The following SP3 variants were observed in gnomAD, a reference collection of about 807,000 sequenced individuals.
The protein encoded by SP3 is transcription factor Sp3.
In SP3, 10 loss-of-function variants were observed where a neutral mutation model predicts 70.3. The ratio of observed to expected loss-of-function variants is 0.14; its 90% CI spans 0.09 to 0.24. The LOEUF (loss-of-function observed/expected upper bound fraction) is 0.24, where lower values mean the gene tolerates loss of function less well. SP3 is among the 10% of genes least tolerant of loss of function. SP3 has a pLI of 1.00. For synonymous variants in SP3, 402 were observed against 333.5 expected (o/e 1.21, Z -2.24); for missense variants, 825 against 914.6 (o/e 0.90, Z 1.26).
chr2:173,960,236 A>G, intron 3 of SP3, among the ~76,000 whole-genome samples: 1 of 152,252 alleles, frequency 6.6e-6, no homozygotes, highest in East Asian at 1.9e-4. Context: ...TAACTAAGGC[A>G]CTCTAAGTCT....
At chr2:173,964,787 C>T (rs1319232792) in intron 1 of SP3, 3 of 454,590 alleles carry the variant, frequency 6.6e-6, no homozygotes, top group Non-Finnish European at 7.7e-6. Flanking sequence ...CCTCCTCCTC[C>T]TCCCCGCGCT....
chr2:173,904,114 C>T lies in SP3; in HGVS notation c.*5827G>A, dbSNP rs187662825. ...CATGCGGGGTTCACAACGGGGTTCG[C>T]ACTCCTATGAGAATCTAATGTTGTG... On this transcript the variant is annotated 3_prime_UTR_variant, in exon 7 of 7. Transcript: ENST00000310015. Among the ~76,000 whole-genome samples the T allele has an allele frequency of 2.6e-5, 4 of 152,234 alleles. No homozygotes were observed. Among genetic ancestry groups the T allele is most frequent in the Admixed American group, 2.6e-4 (4 of 15,294 alleles).
chr2:173,960,967 C>G (rs1221009705), intron 3 of SP3, among the ~76,000 whole-genome samples: 1 of 152,108 alleles, frequency 6.6e-6, no homozygotes, highest in Non-Finnish European at 1.5e-5. Flanking sequence ...CAGAGTGAGA[C>G]TCTGTCTCAA....
At chr2:173,963,968 G>A (rs1311347197) in intron 2 of SP3, 85 bp from the exon 3 acceptor site, 2 of 954,862 alleles carry the variant, frequency 2.1e-6, no homozygotes, top group South Asian at 1.9e-5. Context: ...CAGGAAGTAC[G>A]ACTCGGTCCC....
In SP3 at chr2:173,905,158, A is replaced by G. The variant is rs912681184; in HGVS notation, c.*4783T>C. ...TTCTTTTCACATTTTTGCATTAGAA[A>G]TAAGACTTCTTCTCATTTTGGAAAA... On this transcript the variant is annotated 3_prime_UTR_variant, in exon 7 of 7. Coordinates refer to ENST00000310015, the MANE Select transcript of SP3 (RefSeq NM_003111.5). Among the ~76,000 whole-genome samples the G allele has an allele frequency of 6.6e-6, 1 of 152,352 alleles. No individual in the cohort carries two copies. Among genetic ancestry groups the G allele is most frequent in the Non-Finnish European group, 1.5e-5 (1 of 68,032 alleles).
rs897758095 is a variant in SP3 at position 173,904,818 on chromosome 2, T to C, written c.*5123A>G. ...GCCAATACTTCCTGTATTTCGTTGT[T>C]GTCGATTAATCGGAGGCTTAGACTT... On this transcript the variant is annotated 3_prime_UTR_variant, in exon 7 of 7. Coordinates refer to ENST00000310015, the MANE Select transcript of SP3 (RefSeq NM_003111.5). Among the ~76,000 whole-genome samples the C allele has an allele frequency of 5.9e-5, 9 of 152,332 alleles. No individual in the cohort carries two copies. Among genetic ancestry groups the C allele is most frequent in the South Asian group, 4.1e-4 (2 of 4,832 alleles).
At chr2:173,931,306 A>AT (rs1402317294) in intron 4 of SP3, among the ~76,000 whole-genome samples, 1 of 151,832 alleles carries the variant, frequency 6.6e-6, no homozygotes, top group East Asian at 1.9e-4. Context: ...AGGCGAGCAG[A>AT]TCACTTGAGG....
chr2:173,937,196 C>T lies in SP3; in HGVS notation c.1639+17677G>A, dbSNP rs548450339. On this transcript the variant is annotated intron_variant, in intron 4 of 6. Transcript: ENST00000310015. ...CTCAAGTTCTTGAGCCTTTATTAACCCTGTGCCCAAACAAGGCTGCCAAAT... is the reference window on the plus strand; with the variant it reads ...CTCAAGTTCTTGAGCCTTTATTAACTCTGTGCCCAAACAAGGCTGCCAAAT... Among the ~76,000 whole-genome samples the T allele has an allele frequency of 3.9e-5, 6 of 152,206 alleles. No individual in the cohort carries two copies. The South Asian group carries it at 8.3e-4, about 21-fold the overall frequency.
chr2:173,925,089 T>C (rs993308734), intron 4 of SP3, among the ~76,000 whole-genome samples: 7 of 152,192 alleles, frequency 4.6e-5, no homozygotes, highest in Non-Finnish European at 1.0e-4. Context: ...AGTTTCGCCA[T>C]GTTGGTCAGG....
Position 173,904,776 on chromosome 2 carries a change from T to C in SP3, c.*5165A>G, listed in dbSNP as rs1313293007. ...AGAAGGGATGTAAGTCGGACAGATA[T>C]CCTAAAAGGTCACTAAGCCAATACT... is the stretch of plus-strand genomic sequence containing the variant. On this transcript the variant is annotated 3_prime_UTR_variant, in exon 7 of 7. Coordinates refer to ENST00000310015, the MANE Select transcript of SP3 (RefSeq NM_003111.5). Among the ~76,000 whole-genome samples the C allele has an allele frequency of 6.6e-6, 1 of 152,228 alleles. No homozygotes were observed. The highest frequency in any genetic ancestry group is 1.5e-5 in the Non-Finnish European group (1 of 68,046).
rs1689316945 is a variant in SP3, at chr2:173,906,240, T to C, written c.*3701A>G. On this transcript the variant is annotated 3_prime_UTR_variant, in exon 7 of 7. Transcript: ENST00000310015. Reference sequence around the variant, plus strand: ...CAGACTTCATGCAGAATTCTCCCTCTTCTAGGTTTCTACAGTACTTTGTTT... The same window carrying C: ...CAGACTTCATGCAGAATTCTCCCTCCTCTAGGTTTCTACAGTACTTTGTTT... 6.6e-6 allele frequency among the ~76,000 whole-genome samples: 1 copy of C among 152,202 alleles called. No individual in the cohort carries two copies. Among genetic ancestry groups the C allele is most frequent in the African/African-American group, 2.4e-5 (1 of 41,458 alleles).
intron 4 of SP3, among the ~76,000 whole-genome samples, chr2:173,929,242 A>G (rs1649849659): frequency 6.6e-6 from 1 of 152,226 alleles, no homozygotes; most frequent in Non-Finnish European, 1.5e-5. Flanking sequence ...GAATTAAAGG[A>G]AAGGGCAATT....
intron 4 of SP3, among the ~76,000 whole-genome samples, chr2:173,954,642 A>T (rs1334220516): frequency 1.3e-5 from 2 of 152,232 alleles, no homozygotes; most frequent in Non-Finnish European, 2.9e-5. Flanking sequence ...AAAAACTATA[A>T]ATGTTAATTG....
intron 4 of SP3, among the ~76,000 whole-genome samples, chr2:173,929,992 T>C (rs1324307684): frequency 3.3e-5 from 5 of 152,328 alleles, no homozygotes; most frequent in African/African-American, 1.2e-4. Context: ...TTTACTACTT[T>C]TCTTTGCTTT....
chr2:173,964,155 A>C lies in SP3; in HGVS notation c.156+250T>G, dbSNP rs548118280. 3.9e-4 allele frequency: 144 copies of C among 373,214 alleles called. 1 individual carries two copies. The highest frequency in any genetic ancestry group is 2.6e-3 in the African/African-American group (121 of 46,236). 23.1% of individuals were successfully genotyped at this position (373,214 alleles called of 1,614,324 possible). On this transcript the variant is annotated intron_variant, in intron 2 of 6. Transcript: ENST00000310015. ...GGCCTCCGCCTTCCGCCCGGAACCC[A>C]CCCCCGGGAGGGCACGCTGGGGCCC... is the stretch of plus-strand genomic sequence containing the variant.
intron 4 of SP3, among the ~76,000 whole-genome samples, chr2:173,948,763 T>G (rs1418478587): frequency 8.4e-6 from 1 of 118,556 alleles, no homozygotes; most frequent in African/African-American, 2.6e-5. Context: ...AGAAAATAAA[T>G]AATTATAAGT....
At chr2:173,921,331 T>C (rs887138429) in intron 4 of SP3, among the ~76,000 whole-genome samples, 3 of 152,198 alleles carry the variant, frequency 2.0e-5, no homozygotes, top group South Asian at 2.1e-4. Context: ...TCAACAACTA[T>C]ATGTATGGCT....
chr2:173,908,274 T>C lies in SP3; in HGVS notation c.*1667A>G, dbSNP rs1419731873. On this transcript the variant is annotated 3_prime_UTR_variant, in exon 7 of 7. Transcript: ENST00000310015. The stretch of plus-strand genomic sequence containing the variant: ...TGCAAAATGGTACTGATAAAACTGA[T>C]ATGAATCAATGTGGGCTAAGGGCTA... 1 of 152,152 alleles carries C rather than the reference T, an allele frequency of 6.6e-6. No homozygotes were observed. The highest frequency in any genetic ancestry group is 1.5e-5 in the Non-Finnish European group (1 of 67,948). The allele number at this position is 152,152 out of a possible 1,614,324, so 9.4% of individuals were successfully genotyped here.
At chr2:173,953,338 G>C (rs1690774297) in intron 4 of SP3, among the ~76,000 whole-genome samples, 1 of 152,220 alleles carries the variant, frequency 6.6e-6, no homozygotes, top group Non-Finnish European at 1.5e-5. Flanking sequence ...GGACCTCTGA[G>C]AGGGTCTCAG....
Sources: allele counts gnomAD v4.1 joint callset (sites outside exome capture counted in the v4.1 genomes callset), GRCh38; gene constraint gnomAD v4.1.1; transcripts MANE v1.5; gene names NCBI Gene and HGNC (gene_info 2026-07-23, HGNC 2026-07-21).